EXOC4: variants seen among roughly 807,000 people sequenced by gnomAD.
EXOC4 encodes SEC8-like 1.
A neutral mutation model predicts 107.2 loss-of-function variants in EXOC4; 71 were observed. The observed-to-expected ratio is 0.66, with a 90% CI of 0.55 to 0.81. The LOEUF is 0.81. Among genes scored for constraint, EXOC4 ranks in the 30% least tolerant of loss-of-function variants. The pLI, the probability that EXOC4 is intolerant of heterozygous loss-of-function variation, is 0.00. For synonymous variants in EXOC4, 456 were observed against 441.2 expected (o/e 1.03, Z -0.42); for missense variants, 1,108 against 1,189.6 (o/e 0.93, Z 1.01).
At chr7:133,625,256 GC>G (rs1802426250) in intron 9 of EXOC4, among the ~76,000 whole-genome samples, 1 of 152,128 alleles carries the variant, frequency 6.6e-6, no homozygotes, top group Non-Finnish European at 1.5e-5. Flanking sequence ...AGCATACTAG[GC>G]ACAGAACACT....
intron 12 of EXOC4, among the ~76,000 whole-genome samples, chr7:133,907,589 G>A (rs1226865410): frequency 6.6e-6 from 1 of 152,186 alleles, no homozygotes; most frequent in Non-Finnish European, 1.5e-5. Flanking sequence ...TGTAATCTCA[G>A]CACTTTGGGT....
chr7:133,323,379 A>G (rs1428087388), intron 5 of EXOC4, among the ~76,000 whole-genome samples: 2 of 152,154 alleles, frequency 1.3e-5, no homozygotes, highest in African/African-American at 2.4e-5. Context: ...ATTTTGAGAT[A>G]TGTTCCATCA....
chr7:133,433,028 G>T (rs1227865645), intron 7 of EXOC4, among the ~76,000 whole-genome samples: 1 of 152,122 alleles, frequency 6.6e-6, no homozygotes, highest in Admixed American at 6.5e-5. Context: ...CAATTTTACA[G>T]TTTTTTTCTG....
At chr7:133,950,282 G>A (rs571789689) in intron 14 of EXOC4, among the ~76,000 whole-genome samples, 7 of 152,152 alleles carry the variant, frequency 4.6e-5, no homozygotes, top group Non-Finnish European at 7.3e-5. Flanking sequence ...CCTGACACCC[G>A]AGGGATACAT....
intron 9 of EXOC4, among the ~76,000 whole-genome samples, chr7:133,492,390 T>C (rs1799388837): frequency 1.3e-5 from 2 of 152,010 alleles, no homozygotes; most frequent in African/African-American, 4.8e-5. Flanking sequence ...TTTTATGGAG[T>C]GTTAGATAGG....
chr7:133,762,613 TAA>T (rs1448923926), intron 10 of EXOC4, among the ~76,000 whole-genome samples: 17 of 152,262 alleles, frequency 1.1e-4, no homozygotes, highest in African/African-American at 3.8e-4. Context: ...AATTTGTTTA[TAA>T]CAGCAGAAAA....
intron 11 of EXOC4, among the ~76,000 whole-genome samples, chr7:133,888,665 T>C (rs1799139158): frequency 6.6e-6 from 1 of 152,214 alleles, no homozygotes; most frequent in Non-Finnish European, 1.5e-5. Context: ...TTTTAAAATA[T>C]GTCTGAGTGT....
chr7:133,469,350 C>T (rs963313393), intron 7 of EXOC4, among the ~76,000 whole-genome samples: 12 of 151,788 alleles, frequency 7.9e-5, no homozygotes, highest in South Asian at 2.1e-4. Context: ...TGGGAGGTGG[C>T]GGATGCAGTG....
At chr7:133,753,613 T>C (rs1422381845) in intron 10 of EXOC4, among the ~76,000 whole-genome samples, 2 of 152,240 alleles carry the variant, frequency 1.3e-5, no homozygotes, top group Admixed American at 6.5e-5. Flanking sequence ...TGTTAAAGGC[T>C]GACAAGAATT....
At chr7:133,279,562 G>A (rs1048731631) in intron 2 of EXOC4, among the ~76,000 whole-genome samples, 12 of 152,140 alleles carry the variant, frequency 7.9e-5, no homozygotes, top group African/African-American at 1.4e-4. Flanking sequence ...TCCATCACCC[G>A]GGCTGGAGTG....
At chr7:133,666,687 C>G (rs971201229) in intron 10 of EXOC4, among the ~76,000 whole-genome samples, 1 of 152,150 alleles carries the variant, frequency 6.6e-6, no homozygotes, top group Admixed American at 6.5e-5. Flanking sequence ...TTCACTCAAC[C>G]TTTGCTCAGT....
At chr7:133,938,403 C>T (rs1800353284) in intron 14 of EXOC4, among the ~76,000 whole-genome samples, 1 of 152,154 alleles carries the variant, frequency 6.6e-6, no homozygotes, top group South Asian at 2.1e-4. Context: ...CTCCTTACAA[C>T]AACTTCTCAA....
chr7:133,475,010 A>C lies in EXOC4; in HGVS notation c.1183-318A>C, dbSNP rs182230079. ...GCTGTAGTTTGGAATATGAGGATTA[A>C]ATTGTGATTAAAGAGGAATGTTGAT... is the stretch of plus-strand genomic sequence containing the variant. On this transcript the variant is annotated intron_variant, in intron 7 of 17. Transcript: ENST00000253861. Among the ~76,000 whole-genome samples, 9 of 152,306 alleles carry C rather than the reference A, an allele frequency of 5.9e-5. No homozygotes were observed. The East Asian group carries it at 1.7e-3, about 29-fold the overall frequency.
the EXOC4 span, among the ~76,000 whole-genome samples, chr7:134,077,758 G>C: frequency 1.3e-5 from 2 of 152,226 alleles, no homozygotes; most frequent in African/African-American, 4.8e-5. Flanking sequence ...CTGTTATCTA[G>C]GTTTGTCTGA....
At chr7:134,010,808 A>G (rs935574194) in intron 17 of EXOC4, among the ~76,000 whole-genome samples, 1 of 152,230 alleles carries the variant, frequency 6.6e-6, no homozygotes, top group Admixed American at 6.5e-5. Context: ...CTTCCTGGCC[A>G]GTGGAAAATA....
chr7:133,377,124 G>C (rs1796507444), intron 7 of EXOC4, among the ~76,000 whole-genome samples: 1 of 152,138 alleles, frequency 6.6e-6, no homozygotes, highest in Non-Finnish European at 1.5e-5. Context: ...GGCTGAGGTA[G>C]GTGGATCATT....
chr7:133,403,163 G>T (rs1178385631), intron 7 of EXOC4, among the ~76,000 whole-genome samples: 1 of 152,108 alleles, frequency 6.6e-6, no homozygotes, highest in Non-Finnish European at 1.5e-5. Context: ...GATTGCAGGC[G>T]TGAGCCATCG....
rs965580905 is a variant in EXOC4 at position 133,559,232 on chromosome 7, T to C, written c.1418-70813T>C. Among the ~76,000 whole-genome samples the C allele has an allele frequency of 1.3e-5, 2 of 152,190 alleles. 1 individual carries two copies. The highest frequency in any genetic ancestry group is 2.9e-5 in the Non-Finnish European group (2 of 68,026). On this transcript the variant is annotated intron_variant, in intron 9 of 17. Coordinates refer to ENST00000253861, the MANE Select transcript of EXOC4 (RefSeq NM_021807.4). ...AGTTTGTTGCTTATATTTTAAACTT[T>C]TATGTTATCTGTTACTATGCAAATG...
At chr7:133,933,130 T>C (rs1228463721) in intron 13 of EXOC4, among the ~76,000 whole-genome samples, 1 of 152,150 alleles carries the variant, frequency 6.6e-6, no homozygotes, top group Admixed American at 6.5e-5. Context: ...TGAGCATCTT[T>C]GGCAAAATTT....
Sources: gnomAD v4.1 joint callset for allele counts (sites outside exome capture counted in the v4.1 genomes callset) on GRCh38, gnomAD v4.1.1 for gene constraint, MANE v1.5 for transcripts, NCBI Gene and HGNC (gene_info 2026-07-23, HGNC 2026-07-21) for gene names.